The following DMRT1 variants were observed in gnomAD, a reference collection of about 807,000 sequenced individuals.
DMRT1 encodes doublesex- and mab-3-related transcription factor 1.
A neutral mutation model predicts 32.3 loss-of-function variants in DMRT1; 7 were observed. That is an observed-to-expected ratio of 0.22 (90% CI 0.12 to 0.41). DMRT1 has a LOEUF of 0.41. Ranked by LOEUF, DMRT1 falls within the 10% of genes least tolerant of loss-of-function variation. DMRT1 has a pLI of 1.00. For synonymous variants in DMRT1, 278 were observed against 206.1 expected (o/e 1.35, Z -2.99); for missense variants, 625 against 500.5 (o/e 1.25, Z -2.37).
At chr9:882,287 C>A (rs879389894) in intron 2 of DMRT1, among the ~76,000 whole-genome samples, 1 of 152,170 alleles carries the variant, frequency 6.6e-6, no homozygotes, top group Non-Finnish European at 1.5e-5. Flanking sequence ...ACCACTGTGC[C>A]AGGAGCACCC....
chr9:872,510 A>G (rs1466243301), intron 2 of DMRT1, among the ~76,000 whole-genome samples: 1 of 152,192 alleles, frequency 6.6e-6, no homozygotes, highest in Non-Finnish European at 1.5e-5. Flanking sequence ...TCTGGTAACC[A>G]CTAGCCTACT....
At chr9:903,922 G>GA (rs1236362115) in intron 3 of DMRT1, among the ~76,000 whole-genome samples, 1 of 152,176 alleles carries the variant, frequency 6.6e-6, no homozygotes, top group African/African-American at 2.4e-5. Context: ...GCAACCTTCG[G>GA]AAGACTTGTG....
At chr9:873,079 G>A (rs1286503817) in intron 2 of DMRT1, among the ~76,000 whole-genome samples, 1 of 152,144 alleles carries the variant, frequency 6.6e-6, no homozygotes, top group African/African-American at 2.4e-5. Context: ...CCCAGTCAAG[G>A]TGACATCTAA....
chr9:844,911 G>A (rs1331903535), intron 1 of DMRT1, among the ~76,000 whole-genome samples: 3 of 151,920 alleles, frequency 2.0e-5, no homozygotes, highest in Non-Finnish European at 2.9e-5. Context: ...AGTTAGAGAC[G>A]GGATTTCACC....
chr9:878,213 C>A (rs1025727056), intron 2 of DMRT1, among the ~76,000 whole-genome samples: 1 of 130,722 alleles, frequency 7.6e-6, no homozygotes, highest in East Asian at 2.5e-4. Flanking sequence ...CCCCCCCCAC[C>A]CAATAAAAAT....
intron 3 of DMRT1, among the ~76,000 whole-genome samples, chr9:906,353 C>T (rs1052739639): frequency 8.0e-5 from 12 of 150,060 alleles, no homozygotes; most frequent in African/African-American, 2.9e-4. Flanking sequence ...CATAAGACAC[C>T]CTTCACACTG....
At chr9:878,200 G>GCCAC (rs1816584669) in intron 2 of DMRT1, among the ~76,000 whole-genome samples, 2 of 94,040 alleles carry the variant, frequency 2.1e-5, no homozygotes, top group African/African-American at 4.3e-5. Flanking sequence ...TGCAGCTGCT[G>GCCAC]CCCCCCCCCC....
intron 4 of DMRT1, among the ~76,000 whole-genome samples, chr9:951,708 G>T (rs1338399284): frequency 6.6e-6 from 1 of 152,186 alleles, no homozygotes; most frequent in Non-Finnish European, 1.5e-5. Flanking sequence ...TTGAGGGAGG[G>T]TATAAGTTGT....
chr9:948,774 A>G (rs1291541293), intron 4 of DMRT1, among the ~76,000 whole-genome samples: 1 of 151,960 alleles, frequency 6.6e-6, no homozygotes, highest in Non-Finnish European at 1.5e-5. Context: ...AAAACAAAAC[A>G]GGCTGGCGCG....
intron 4 of DMRT1, among the ~76,000 whole-genome samples, chr9:951,343 C>T (rs1819421872): frequency 6.6e-6 from 1 of 152,190 alleles, no homozygotes; most frequent in Admixed American, 6.5e-5. Flanking sequence ...GGCTAAGCCT[C>T]TGGTAAGCTG....
intron 3 of DMRT1, among the ~76,000 whole-genome samples, chr9:909,991 G>A (rs1334059505): frequency 2.0e-5 from 3 of 152,162 alleles, no homozygotes; most frequent in African/African-American, 7.2e-5. Flanking sequence ...GAGATTTACA[G>A]GTGTGAGCCA....
At chr9:873,536 C>G (rs1288950668) in intron 2 of DMRT1, among the ~76,000 whole-genome samples, 3 of 151,558 alleles carry the variant, frequency 2.0e-5, no homozygotes, top group Admixed American at 1.3e-4. Flanking sequence ...CCAGGCTGGT[C>G]TCGAACTCCC....
chr9:864,037 C>G (rs1815848419), intron 2 of DMRT1, among the ~76,000 whole-genome samples: 1 of 152,030 alleles, frequency 6.6e-6, no homozygotes, highest in African/African-American at 2.4e-5. Flanking sequence ...ATAAGAGTCC[C>G]AGGACTGAGT....
At chr9:853,210 G>T (rs1443421879) in intron 2 of DMRT1, among the ~76,000 whole-genome samples, 1 of 152,034 alleles carries the variant, frequency 6.6e-6, no homozygotes, top group Non-Finnish European at 1.5e-5. Context: ...CCATCAGAGT[G>T]GTGCATTTGC....
intron 3 of DMRT1, among the ~76,000 whole-genome samples, chr9:913,665 C>T (rs377710715): frequency 2.6e-5 from 4 of 150,996 alleles, no homozygotes; most frequent in South Asian, 2.1e-4. Flanking sequence ...GATGCCGAGG[C>T]GGGCGGATCA....
At chr9:924,552 G>A (rs992975397) in intron 4 of DMRT1, among the ~76,000 whole-genome samples, 11 of 152,180 alleles carry the variant, frequency 7.2e-5, no homozygotes, top group African/African-American at 2.7e-4. Flanking sequence ...GTTTTGGCAG[G>A]TGCCTGGCAG....
At chr9:893,418 G>T (rs1333034777) in intron 2 of DMRT1, among the ~76,000 whole-genome samples, 1 of 152,214 alleles carries the variant, frequency 6.6e-6, no homozygotes, top group African/African-American at 2.4e-5. Flanking sequence ...CCCCTGGTCC[G>T]CACCTTTGGC....
Position 871,480 on chromosome 9 carries a change from G to C in DMRT1, c.539-22432G>C, listed in dbSNP as rs536186811. Among the ~76,000 whole-genome samples the C allele has an allele frequency of 6.7e-4, 100 of 148,826 alleles. 1 individual carries two copies. The highest frequency in any genetic ancestry group is 1.1e-3 in the African/African-American group (44 of 40,148). On this transcript the variant is annotated intron_variant, in intron 2 of 4. Coordinates refer to ENST00000382276, the MANE Select transcript of DMRT1 (RefSeq NM_021951.3). ...CCAGAGTAGCTGGGACTACAGGCAT[G>C]CGCCACCACGCCCGGCTAATTTTTT... is the stretch of plus-strand genomic sequence containing the variant.
intron 2 of DMRT1, among the ~76,000 whole-genome samples, chr9:858,787 T>G (rs1299406933): frequency 1.3e-5 from 2 of 150,462 alleles, no homozygotes; most frequent in Non-Finnish European, 2.9e-5. Flanking sequence ...GGCAGGAGAA[T>G]CGCTTGAACC....
Sources: gnomAD v4.1 joint callset for allele counts (sites outside exome capture counted in the v4.1 genomes callset) on GRCh38, gnomAD v4.1.1 for gene constraint, MANE v1.5 for transcripts, NCBI Gene and HGNC (gene_info 2026-07-23, HGNC 2026-07-21) for gene names.